The following CD109 variants were observed in gnomAD, a reference collection of about 807,000 sequenced individuals.
The protein encoded by CD109 is CD109 molecule, also known as CD109 antigen.
A neutral mutation model predicts 165.8 loss-of-function variants in CD109; 149 were observed. That is an observed-to-expected ratio of 0.90 (90% CI 0.79 to 1.03). CD109 has a LOEUF of 1.03. CD109 is among the 50% of genes least tolerant of loss of function. CD109 has a pLI of 0.00. For synonymous variants in CD109, 585 were observed against 592.1 expected, an observed-to-expected ratio of 0.99 and a Z score of 0.18; for missense variants, 1,712 against 1,677.8, an observed-to-expected ratio of 1.02 and a Z score of -0.36.
At chr6:73,716,050 TTA>T (rs1211315991) in intron 2 of CD109, among the ~76,000 whole-genome samples, 3 of 152,018 alleles carry the variant, frequency 2.0e-5, no homozygotes, top group Non-Finnish European at 4.4e-5. Context: ...TGTGTTTGGG[TTA>T]TTTCACTTAA....
At chr6:73,753,565 T>C (rs893173508) in intron 5 of CD109, among the ~76,000 whole-genome samples, 1 of 152,158 alleles carries the variant, frequency 6.6e-6, no homozygotes, top group African/African-American at 2.4e-5. Context: ...TGGGAAGACA[T>C]TGTGTAGTAG....
chr6:73,688,336 A>G, the CD109 span, among the ~76,000 whole-genome samples: 3 of 152,008 alleles, frequency 2.0e-5, no homozygotes, highest in Non-Finnish European at 4.4e-5. Flanking sequence ...GTGCTAGGAG[A>G]ATCTTTCATT....
At chr6:73,732,696 A>G (rs1483824207) in intron 4 of CD109, among the ~76,000 whole-genome samples, 1 of 152,256 alleles carries the variant, frequency 6.6e-6, no homozygotes, top group Admixed American at 6.5e-5. Flanking sequence ...TGTTCTAGAC[A>G]TCAACCCAGA....
chr6:73,754,768 T>C (rs1773322128), intron 5 of CD109, among the ~76,000 whole-genome samples: 1 of 152,204 alleles, frequency 6.6e-6, no homozygotes, highest in Non-Finnish European at 1.5e-5. Context: ...ATATTTAAGC[T>C]AAGCCCTGGA....
intron 4 of CD109, among the ~76,000 whole-genome samples, chr6:73,732,527 C>G (rs1042753279): frequency 1.3e-5 from 2 of 152,162 alleles, no homozygotes; most frequent in Non-Finnish European, 2.9e-5. Context: ...CCATTCATAC[C>G]ATCTTTCATC....
Position 73,696,273 on chromosome 6 carries a change from C to T in CD109, c.58C>T (p.Leu20=), listed in dbSNP as rs1367739755. 1 of 1,528,468 alleles carries T rather than the reference C, an allele frequency of 6.5e-7. No individual in the cohort carries two copies. The highest frequency in any genetic ancestry group is 8.7e-7 in the Non-Finnish European group (1 of 1,143,344). 94.7% of individuals were successfully genotyped at this position (1,528,468 alleles called of 1,614,324 possible). Residue 20 remains leucine (L), a synonymous_variant, in exon 1 of 33, where the codon CTG becomes TTG. Coordinates refer to ENST00000287097, the MANE Select transcript of CD109 (RefSeq NM_133493.5). ...CCTCCTCTGCGTGTGCACCGCCGCG[C>T]TGGCCGTGGCTCCCGGGTAGGAACG... The part of the protein sequence containing the change: ...AHLLCVCTAA[L]AVAPGPRFLV...
At chr6:73,755,192 G>T (rs906915871) in intron 5 of CD109, among the ~76,000 whole-genome samples, 1 of 152,160 alleles carries the variant, frequency 6.6e-6, no homozygotes, top group Non-Finnish European at 1.5e-5. Context: ...AATCAAATAC[G>T]TGTAATTTAT....
the CD109 span, among the ~76,000 whole-genome samples, chr6:73,679,540 A>G: frequency 5.3e-5 from 8 of 151,970 alleles, no homozygotes; most frequent in East Asian, 1.5e-3. Flanking sequence ...TTTATATTTC[A>G]GTACTAGCAA....
intron 3 of CD109, 127 bp downstream of exon 3, chr6:73,723,406 T>G (rs372909469): frequency 5.3e-5 from 39 of 739,688 alleles, no homozygotes; most frequent in East Asian, 3.6e-4. Context: ...GGCTTGAGTT[T>G]AGTTCAGCCT....
intron 28 of CD109, 128 bp downstream of exon 28, chr6:73,811,275 A>G (rs1225100513): frequency 3.7e-6 from 4 of 1,081,110 alleles, no homozygotes; most frequent in Non-Finnish European, 5.0e-6. Flanking sequence ...AATAGGGAGA[A>G]GTGGTGCCCT....
chr6:73,709,430 A>G (rs1467893499), intron 2 of CD109, among the ~76,000 whole-genome samples: 1 of 152,194 alleles, frequency 6.6e-6, no homozygotes, highest in Non-Finnish European at 1.5e-5. Context: ...GAAGTCAGGT[A>G]GCATGATGCC....
intron 3 of CD109, among the ~76,000 whole-genome samples, chr6:73,730,125 C>T (rs536333791): frequency 6.6e-6 from 1 of 152,188 alleles, no homozygotes; most frequent in South Asian, 2.1e-4. Context: ...GGCTATGTGT[C>T]CCCCATTCCA....
chr6:73,770,758 A>G (rs1053022261), intron 14 of CD109, among the ~76,000 whole-genome samples: 1 of 152,162 alleles, frequency 6.6e-6, no homozygotes, highest in African/African-American at 2.4e-5. Flanking sequence ...CAAAAACAAA[A>G]AAAGAAAATG....
chr6:73,743,308 A>G (rs914949322), intron 5 of CD109, among the ~76,000 whole-genome samples: 30 of 152,210 alleles, frequency 2.0e-4, no homozygotes, highest in African/African-American at 7.0e-4. Context: ...AGCCATTGTT[A>G]GAGGTGGGGA....
At chr6:73,793,429 T>C (rs1326377564) in intron 23 of CD109, among the ~76,000 whole-genome samples, 1 of 152,230 alleles carries the variant, frequency 6.6e-6, no homozygotes, top group Non-Finnish European at 1.5e-5. Flanking sequence ...TAACATGAGT[T>C]GAGTGTGCAC....
At chr6:73,736,610 T>G in intron 5 of CD109, 102 bp downstream of exon 5, 3 of 966,808 alleles carry the variant, frequency 3.1e-6, no homozygotes, top group Middle Eastern at 2.3e-4. Flanking sequence ...AGAAAAAAAT[T>G]AATGTGAACA....
At chr6:73,736,736 T>G (rs1458530177) in intron 5 of CD109, among the ~76,000 whole-genome samples, 2 of 152,254 alleles carry the variant, frequency 1.3e-5, no homozygotes, top group Non-Finnish European at 2.9e-5. Context: ...TGATATGATG[T>G]TTAAAGGTTA....
At chr6:73,721,092 C>T (rs189888088) in intron 2 of CD109, among the ~76,000 whole-genome samples, 18 of 152,322 alleles carry the variant, frequency 1.2e-4, no homozygotes, top group African/African-American at 3.1e-4. Flanking sequence ...ATCTGTTCCA[C>T]GATACTTCCT....
At chr6:73,734,809 A>G (rs556941985) in intron 4 of CD109, among the ~76,000 whole-genome samples, 1 of 152,336 alleles carries the variant, frequency 6.6e-6, no homozygotes, top group South Asian at 2.1e-4. Context: ...GGATAAGTCT[A>G]AGGGAAAATA....
Sources: allele counts gnomAD v4.1 joint callset (sites outside exome capture counted in the v4.1 genomes callset), GRCh38; gene constraint gnomAD v4.1.1; transcripts MANE v1.5; gene names NCBI Gene and HGNC (gene_info 2026-07-23, HGNC 2026-07-21).